Variants in FAM114A1 observed in about 807,000 individuals in gnomAD.
FAM114A1 encodes the protein protein NOXP20.
Under a neutral mutation model 64.3 loss-of-function variants are expected in FAM114A1, and 62 were observed. The ratio of observed to expected loss-of-function variants is 0.96; its 90% confidence interval spans 0.79 to 1.19. The LOEUF (loss-of-function observed/expected upper bound fraction) is 1.19. FAM114A1 is among the 50% of genes most tolerant of loss of function. FAM114A1 has a pLI of 0.00. For missense variants in FAM114A1, 645 were observed against 676.3 expected, an observed-to-expected ratio of 0.95 and a Z score of 0.51; for synonymous variants, 254 against 251.1, an observed-to-expected ratio of 1.01 and a Z score of -0.11.
intron 4 of FAM114A1, among the ~76,000 whole-genome samples, chr4:38,897,307 A>C (rs1717033698): frequency 6.6e-6 from 1 of 152,202 alleles, no homozygotes; most frequent in African/African-American, 2.4e-5. Context: ...TGTTGATACC[A>C]TATCCTGTGT....
In FAM114A1 at chr4:38,887,953, T is replaced by C. The variant is rs553251769; in HGVS notation, c.349-3790T>C. ...GAGTTACAAAACTCACAGGTTTCAT[T>C]GCCCACATCCCTGGATACAAGTTAT... is the stretch of plus-strand genomic sequence containing the variant. On this transcript the variant is annotated intron_variant, in intron 3 of 14. Transcript: ENST00000358869. Among the ~76,000 whole-genome samples, 15 of 152,284 alleles carry C rather than the reference T, an allele frequency of 9.9e-5. No individual in the cohort carries two copies. The East Asian group carries it at 2.7e-3, about 27-fold the overall frequency.
At position 38,895,668 on chromosome 4, in the gene FAM114A1, G is replaced by A. The variant is rs192210764; in HGVS notation, c.436+3838G>A. 4.3e-4 allele frequency among the ~76,000 whole-genome samples: 65 copies of A among 152,234 alleles called. No homozygotes were observed. The East Asian group carries it at 0.013, about 29-fold the overall frequency. On this transcript the variant is annotated intron_variant, in intron 4 of 14. Transcript: ENST00000358869. ...ACGGTCATGCTTCACTTAACAATGG[G>A]AATACCTTCTGAGAAATGGGTCGTT...
intron 13 of FAM114A1, among the ~76,000 whole-genome samples, chr4:38,937,985 C>T (rs1721253054): frequency 6.6e-6 from 1 of 152,122 alleles, no homozygotes; most frequent in Non-Finnish European, 1.5e-5. Context: ...GCTCCACCTG[C>T]CTCGGCCTCC....
chr4:38,888,717 T>C lies in FAM114A1; in HGVS notation c.349-3026T>C, dbSNP rs564607433. Among the ~76,000 whole-genome samples the C allele has an allele frequency of 3.9e-5, 6 of 152,324 alleles. No individual in the cohort carries two copies. In the East Asian group the frequency reaches 9.6e-4, roughly 24 times the overall value. On this transcript the variant is annotated intron_variant, in intron 3 of 14. Transcript: ENST00000358869. ...AGAGTTCTCATCTGATGGCTTTTTT[T>C]CCTCTATGTATTAGGATGTGAAGTT...
intron 7 of FAM114A1, among the ~76,000 whole-genome samples, chr4:38,909,866 A>G (rs1718364467): frequency 6.6e-6 from 1 of 152,222 alleles, no homozygotes; most frequent in Non-Finnish European, 1.5e-5. Context: ...CCCAAGTATG[A>G]GCACTCCGAT....
Position 38,941,009 on chromosome 4 carries a change from T to C in FAM114A1, c.1578T>C (p.Ser526=). 2 of 1,614,008 alleles carry C rather than the reference T, an allele frequency of 1.2e-6. No individual in the cohort carries two copies. Among genetic ancestry groups the C allele is most frequent in the Non-Finnish European group, 1.7e-6 (2 of 1,179,960 alleles). Residue 526 remains serine, a synonymous_variant, in exon 14 of 15, where the codon AGT becomes AGC. Coordinates refer to ENST00000358869, the MANE Select transcript of FAM114A1 (RefSeq NM_138389.4). ...AGGTCCTTAACCCCATGATCAGTAG[T>C]GTATTGTTAGAGGTAAGTGGCCTCT... The part of the protein sequence containing the change: ...KAEVLNPMIS[S]VLLEGCNSTT...
chr4:38,877,765 GAC>G (rs1714792974), intron 2 of FAM114A1, among the ~76,000 whole-genome samples: 1 of 152,154 alleles, frequency 6.6e-6, no homozygotes, highest in Admixed American at 6.5e-5. Flanking sequence ...GGGAGTTCGA[GAC>G]CAGCCTGACC....
intron 13 of FAM114A1, among the ~76,000 whole-genome samples, chr4:38,938,042 A>T (rs1463301992): frequency 1.3e-5 from 2 of 152,160 alleles, no homozygotes; most frequent in Admixed American, 1.3e-4. Flanking sequence ...CGACCTACAC[A>T]TACTTTCTCT....
intron 3 of FAM114A1, among the ~76,000 whole-genome samples, chr4:38,879,005 T>C (rs2109548077): frequency 6.6e-6 from 1 of 152,322 alleles, no homozygotes; most frequent in South Asian, 2.1e-4. Flanking sequence ...CAGAATGCAC[T>C]CATCACCCCT....
At position 38,935,719 on chromosome 4, in the gene FAM114A1, TTAAC is replaced by T; in HGVS notation, c.1468_1471del (p.Thr490LeufsTer18). On this transcript the variant is annotated frameshift_variant and splice_region_variant, in exon 13 of 15. Coordinates refer to ENST00000358869, the MANE Select transcript of FAM114A1 (RefSeq NM_138389.4). LOFTEE classifies it high-confidence loss of function. ...GCTTTTTTTTTTTTCTTCTTTCAGA[TTAAC>T]TACTGCAATGTGCAATGAAGTGGCC... 6.3e-7 allele frequency: 1 copy of T among 1,584,490 alleles called. No individual in the cohort carries two copies. Among genetic ancestry groups the T allele is most frequent in the Non-Finnish European group, 8.6e-7 (1 of 1,168,346 alleles).
chr4:38,885,877 T>C (rs1715748292), intron 3 of FAM114A1, among the ~76,000 whole-genome samples: 1 of 152,184 alleles, frequency 6.6e-6, no homozygotes, highest in Non-Finnish European at 1.5e-5. Flanking sequence ...AATATGCATG[T>C]AGAAGCATTC....
Position 38,905,815 on chromosome 4 carries a change from C to T in FAM114A1, c.611C>T (p.Ala204Val), listed in dbSNP as rs1027418475. Residue 204 changes from alanine to valine, a missense_variant, in exon 6 of 15, where the codon GCC (alanine) becomes GTC (valine). Transcript: ENST00000358869. ...AESPPTSPSS[A>V]SRGMLSAITN... ...AGCCCACCCACTTCCCCTTCATCAG[C>T]CTCTCGGGGTATGCTGTCTGCCATC... 1 of 1,614,096 alleles carries T rather than the reference C, an allele frequency of 6.2e-7. No homozygotes were observed. Among genetic ancestry groups the T allele is most frequent in the Non-Finnish European group, 8.5e-7 (1 of 1,180,016 alleles).
chr4:38,873,058 C>T (rs1173983327), intron 2 of FAM114A1, among the ~76,000 whole-genome samples: 1 of 152,210 alleles, frequency 6.6e-6, no homozygotes, highest in Non-Finnish European at 1.5e-5. Flanking sequence ...AAACCACCCA[C>T]AATACTACCC....
chr4:38,943,801 T>C lies in FAM114A1; in HGVS notation c.*244T>C, dbSNP rs1011371192. On this transcript the variant is annotated 3_prime_UTR_variant, in exon 15 of 15. Coordinates refer to ENST00000358869, the MANE Select transcript of FAM114A1 (RefSeq NM_138389.4). Reference sequence around the variant, plus strand: ...TTAATTTAAACTTACACAGCTTATATTGAAAATTTCCTTTCATCTGAAATT... The same window carrying C: ...TTAATTTAAACTTACACAGCTTATACTGAAAATTTCCTTTCATCTGAAATT... 9.1e-5 allele frequency: 31 copies of C among 340,582 alleles called. No individual in the cohort carries two copies. Among genetic ancestry groups the C allele is most frequent in the African/African-American group, 4.9e-4 (24 of 48,998 alleles). 21.1% of individuals were successfully genotyped at this position (340,582 alleles called of 1,614,324 possible).
chr4:38,926,606 C>G (rs1392510417), intron 9 of FAM114A1, among the ~76,000 whole-genome samples: 3 of 152,116 alleles, frequency 2.0e-5, no homozygotes, highest in Non-Finnish European at 4.4e-5. Context: ...CAGGCACATG[C>G]CACCACACCT....
chr4:38,935,811 T>C (rs1255817792), intron 13 of FAM114A1, 21 bp downstream of exon 13: 4 of 1,531,616 alleles, frequency 2.6e-6, no homozygotes, highest in Non-Finnish European at 2.7e-6. Context: ...AGTCTTGAAT[T>C]TTTTTCACCT....
intron 10 of FAM114A1, 149 bp from the exon 11 acceptor site, chr4:38,931,302 G>T: frequency 2.5e-6 from 2 of 791,518 alleles, no homozygotes; most frequent in Non-Finnish European, 3.8e-6. Flanking sequence ...TATCTTTTTC[G>T]GGGGTTGAAA....
chr4:38,899,418 A>G (rs1717289283), intron 4 of FAM114A1, among the ~76,000 whole-genome samples: 1 of 152,120 alleles, frequency 6.6e-6, no homozygotes, highest in Non-Finnish European at 1.5e-5. Context: ...CCTTTGGTCA[A>G]GGGCAATTCA....
At chr4:38,875,323 A>T (rs1714504929) in intron 2 of FAM114A1, among the ~76,000 whole-genome samples, 1 of 152,078 alleles carries the variant, frequency 6.6e-6, no homozygotes, top group Non-Finnish European at 1.5e-5. Context: ...AAATTTTTCC[A>T]TTTGTGTCAT....
Sources: allele counts gnomAD v4.1 joint callset (sites outside exome capture counted in the v4.1 genomes callset), GRCh38; gene constraint gnomAD v4.1.1; transcripts MANE v1.5; gene names NCBI Gene and HGNC (gene_info 2026-07-23, HGNC 2026-07-21).